PIGL: variants seen among roughly 807,000 people sequenced by gnomAD.
PIGL encodes N-acetylglucosaminyl-phosphatidylinositol de-N-acetylase.
In PIGL, 22 loss-of-function variants were observed where a neutral mutation model predicts 31.1. That is an observed-to-expected ratio of 0.71 (90% CI 0.51 to 1.01). PIGL has a LOEUF of 1.01. PIGL is among the 50% of genes least tolerant of loss of function. The pLI is 0.00. For synonymous variants in PIGL, 131 were observed against 117.4 expected (o/e 1.12, Z -0.75); for missense variants, 302 against 315.9 (o/e 0.96, Z 0.33).
At chr17:16,231,950 A>G (rs1377674351) in intron 1 of PIGL, among the ~76,000 whole-genome samples, 1 of 152,170 alleles carries the variant, frequency 6.6e-6, no homozygotes, top group African/African-American at 2.4e-5. Context: ...AACATTAACA[A>G]AAACTTACAT....
At chr17:16,321,455 A>G (rs1216731126) in intron 6 of PIGL, among the ~76,000 whole-genome samples, 1 of 150,974 alleles carries the variant, frequency 6.6e-6, no homozygotes. Flanking sequence ...GGTCAGGCTG[A>G]TCTTGAATTC....
chr17:16,222,262 C>T (rs1233584663), intron 1 of PIGL, among the ~76,000 whole-genome samples: 1 of 151,710 alleles, frequency 6.6e-6, no homozygotes. Context: ...AAGGAAATCT[C>T]CAAATTGGTT....
intron 2 of PIGL, among the ~76,000 whole-genome samples, chr17:16,245,397 G>A (rs547866478): frequency 6.6e-6 from 1 of 152,016 alleles, no homozygotes; most frequent in South Asian, 2.1e-4. Context: ...AAAGTGCTGG[G>A]ATTACAAGCA....
intron 2 of PIGL, among the ~76,000 whole-genome samples, chr17:16,295,959 A>G (rs768628525): frequency 1.3e-5 from 2 of 152,166 alleles, no homozygotes; most frequent in African/African-American, 4.8e-5. Context: ...AATAAATAAA[A>G]TAAAATATTC....
chr17:16,317,958 C>CT, intron 6 of PIGL, 50 bp downstream of exon 6: 1 of 1,340,300 alleles, frequency 7.5e-7, no homozygotes, highest in Non-Finnish European at 9.9e-7. Context: ...CTGCCCCAGA[C>CT]CCCTGTCTCC....
At chr17:16,316,001 T>C (rs2093075517) in intron 4 of PIGL, among the ~76,000 whole-genome samples, 1 of 152,110 alleles carries the variant, frequency 6.6e-6, no homozygotes, top group Non-Finnish European at 1.5e-5. Flanking sequence ...CGGCTCCTTT[T>C]TCAGGTTTTT....
At chr17:16,286,213 C>T (rs530618553) in intron 2 of PIGL, among the ~76,000 whole-genome samples, 98 of 152,386 alleles carry the variant, frequency 6.4e-4, no homozygotes, top group African/African-American at 2.3e-3. Context: ...TATTAAAGTT[C>T]AGAGTGCAGT....
intron 1 of PIGL, among the ~76,000 whole-genome samples, chr17:16,227,330 C>G (rs1019016535): frequency 2.6e-5 from 4 of 152,008 alleles, no homozygotes; most frequent in African/African-American, 7.2e-5. Context: ...AGGCTAGTCT[C>G]AAACTCCTGA....
chr17:16,281,944 C>T (rs1253913201), intron 2 of PIGL: 2 of 438,128 alleles, frequency 4.6e-6, no homozygotes, highest in East Asian at 1.4e-4. Context: ...TAAGACCCAT[C>T]CTCAGACATT....
chr17:16,287,449 T>G (rs2092942982), intron 2 of PIGL, among the ~76,000 whole-genome samples: 1 of 152,244 alleles, frequency 6.6e-6, no homozygotes, highest in Non-Finnish European at 1.5e-5. Context: ...TCTCCATCTG[T>G]CAGTGGCTTC....
At chr17:16,294,451 CCCAGTACGGTTCTCCCCG>C (rs1223417973) in intron 2 of PIGL, among the ~76,000 whole-genome samples, 1 of 152,086 alleles carries the variant, frequency 6.6e-6, no homozygotes, top group Non-Finnish European at 1.5e-5. Context: ...CCCCATGTCC[CCCAGTACGGTTCTCCCCG>C]CTGCCCTCTA....
At chr17:16,291,376 G>C (rs961722934) in intron 2 of PIGL, among the ~76,000 whole-genome samples, 2 of 150,038 alleles carry the variant, frequency 1.3e-5, no homozygotes, top group African/African-American at 5.0e-5. Flanking sequence ...GCGTGGTGGC[G>C]GGCACCTGTA....
At chr17:16,299,822 C>T (rs1201286794) in intron 2 of PIGL, 66 bp from the exon 3 acceptor site, 1 of 1,167,086 alleles carries the variant, frequency 8.6e-7, no homozygotes, top group Non-Finnish European at 1.3e-6. Flanking sequence ...CATGCACCTA[C>T]TGGAGCTTAG....
At chr17:16,317,222 G>A (rs1354974470) in intron 5 of PIGL, 8 of 1,005,162 alleles carry the variant, frequency 8.0e-6, no homozygotes, top group South Asian at 4.3e-5. Flanking sequence ...GAATGAAAAC[G>A]TAAGTAGTTT....
intron 2 of PIGL, among the ~76,000 whole-genome samples, chr17:16,284,253 A>C (rs1157041380): frequency 1.3e-5 from 2 of 152,186 alleles, no homozygotes; most frequent in Non-Finnish European, 2.9e-5. Flanking sequence ...CTGGGATTAC[A>C]GGCATCAGCC....
chr17:16,243,763 A>G (rs1202938293), intron 2 of PIGL, among the ~76,000 whole-genome samples: 1 of 152,126 alleles, frequency 6.6e-6, no homozygotes, highest in East Asian at 1.9e-4. Flanking sequence ...TTGTTTTTTC[A>G]CATTAATATT....
chr17:16,280,217 T>C (rs1411762544), intron 2 of PIGL, among the ~76,000 whole-genome samples: 1 of 152,162 alleles, frequency 6.6e-6, no homozygotes, highest in African/African-American at 2.4e-5. Context: ...GGGGCAGAGG[T>C]CCCACCAAAT....
intron 2 of PIGL, among the ~76,000 whole-genome samples, chr17:16,283,740 A>G (rs1454942322): frequency 1.3e-5 from 2 of 152,228 alleles, no homozygotes; most frequent in Non-Finnish European, 2.9e-5. Flanking sequence ...ATCACCGATT[A>G]TACAAAAGCT....
intron 3 of PIGL, among the ~76,000 whole-genome samples, chr17:16,300,626 G>A (rs1040787925): frequency 6.6e-6 from 1 of 151,652 alleles, no homozygotes; most frequent in Admixed American, 6.6e-5. Flanking sequence ...GTTGCAATGC[G>A]CAAAGATTGT....
Sources: allele counts gnomAD v4.1 joint callset (sites outside exome capture counted in the v4.1 genomes callset), GRCh38; gene constraint gnomAD v4.1.1; transcripts MANE v1.5; gene names NCBI Gene and HGNC (gene_info 2026-07-23, HGNC 2026-07-21).